Variants in ANKRD13C observed in about 807,000 individuals in gnomAD.
The protein encoded by ANKRD13C is ankyrin repeat domain-containing protein 13C.
ANKRD13C carries 16 observed loss-of-function variants against 65.5 expected under a neutral mutation model. The observed-to-expected ratio is 0.24, with a 90% CI of 0.17 to 0.37. The LOEUF is 0.37. ANKRD13C is among the 10% of genes least tolerant of loss of function. The pLI is 1.00. For synonymous variants in ANKRD13C, 235 were observed against 238.7 expected (o/e 0.98, Z 0.14); for missense variants, 503 against 655.9 (o/e 0.77, Z 2.55).
Position 70,260,643 on chromosome 1 carries a change from C to T in ANKRD13C, c.*2074G>A, listed in dbSNP as rs1678357059. 2 of 152,000 alleles carry T rather than the reference C, an allele frequency of 1.3e-5. No individual in the cohort carries two copies. The highest frequency in any genetic ancestry group is 4.1e-4 in the South Asian group (2 of 4,822). The allele number at this position is 152,000 out of a possible 1,614,324, so 9.4% of individuals were successfully genotyped here. On this transcript the variant is annotated 3_prime_UTR_variant, in exon 13 of 13. Transcript: ENST00000370944. Reference sequence around the variant, plus strand: ...TTTGCATCGATTAATTCCTTTTTTTCACCATCATAAGAGATATTGACATTT... The same window carrying T: ...TTTGCATCGATTAATTCCTTTTTTTTACCATCATAAGAGATATTGACATTT...
intron 6 of ANKRD13C, among the ~76,000 whole-genome samples, chr1:70,302,272 C>A (rs546655073): frequency 1.3e-5 from 2 of 151,480 alleles, no homozygotes; most frequent in African/African-American, 4.9e-5. Context: ...TATCAAGAAG[C>A]CCTAAAAAAG....
At chr1:70,321,614 T>C (rs1173348447) in intron 3 of ANKRD13C, among the ~76,000 whole-genome samples, 1 of 152,072 alleles carries the variant, frequency 6.6e-6, no homozygotes. Context: ...AAACCAGAGC[T>C]GTCTCGATCA....
At chr1:70,327,710 G>A (rs1681601160) in intron 2 of ANKRD13C, among the ~76,000 whole-genome samples, 1 of 152,162 alleles carries the variant, frequency 6.6e-6, no homozygotes, top group Non-Finnish European at 1.5e-5. Flanking sequence ...GCATGCTGAA[G>A]TATTTGGGGG....
intron 8 of ANKRD13C, among the ~76,000 whole-genome samples, chr1:70,294,907 A>T (rs1039687621): frequency 4.6e-5 from 7 of 152,138 alleles, no homozygotes; most frequent in African/African-American, 1.4e-4. Flanking sequence ...AGCCTGCTAG[A>T]TTGCTCTACA....
rs182769416 is a variant in ANKRD13C at position 70,338,487 on chromosome 1, G to T, written c.431-2388C>A. Among the ~76,000 whole-genome samples, 7 of 152,162 alleles carry T rather than the reference G, an allele frequency of 4.6e-5. No homozygotes were observed. In the East Asian group the frequency reaches 1.4e-3, roughly 29 times the overall value. ...CCGATCTGGGCTCACTGCAACCTCC[G>T]CTCCCGGGTTCAGGTGGTTCTCCTG... On this transcript the variant is annotated intron_variant, in intron 1 of 12. Transcript: ENST00000370944.
chr1:70,346,887 C>T (rs897575886), intron 1 of ANKRD13C, among the ~76,000 whole-genome samples: 1 of 151,866 alleles, frequency 6.6e-6, no homozygotes, highest in Admixed American at 6.6e-5. Flanking sequence ...GTCAGGAGAT[C>T]GAGACCATCC....
intron 7 of ANKRD13C, among the ~76,000 whole-genome samples, chr1:70,298,749 TA>T (rs1680199602): frequency 6.6e-6 from 1 of 152,224 alleles, no homozygotes. Context: ...AAGCAAACTA[TA>T]ATCAGCTGCC....
chr1:70,354,475 C>T lies in ANKRD13C; in HGVS notation c.-67G>A, dbSNP rs559091703. 4 of 1,520,918 alleles carry T rather than the reference C, an allele frequency of 2.6e-6. No individual in the cohort carries two copies. The highest frequency in any genetic ancestry group is 2.3e-5 in the East Asian group (1 of 42,750). 94.2% of individuals were successfully genotyped at this position (1,520,918 alleles called of 1,614,324 possible). A position where few individuals can be genotyped will look rare whatever the true frequency, so the allele number is the denominator to read the frequency against. ...GCTGGCGACGGAGCTGGCGCTGCGGCGGCACAAGGCGATTAGAGCGGTGGC... is the reference window on the plus strand; with the variant it reads ...GCTGGCGACGGAGCTGGCGCTGCGGTGGCACAAGGCGATTAGAGCGGTGGC... On this transcript the variant is annotated 5_prime_UTR_variant, in exon 1 of 13. Transcript: ENST00000370944.
chr1:70,344,706 T>C (rs1275421020), intron 1 of ANKRD13C, among the ~76,000 whole-genome samples: 2 of 152,122 alleles, frequency 1.3e-5, no homozygotes, highest in Non-Finnish European at 2.9e-5. Context: ...ATTTATATTC[T>C]TTTTACTGTA....
chr1:70,289,679 T>C (rs1679776621), intron 9 of ANKRD13C, among the ~76,000 whole-genome samples: 1 of 151,214 alleles, frequency 6.6e-6, no homozygotes, highest in Non-Finnish European at 1.5e-5. Flanking sequence ...GGTTTCACCA[T>C]GTTAGCCAGG....
At chr1:70,334,355 C>T (rs1239194949) in intron 2 of ANKRD13C, among the ~76,000 whole-genome samples, 2 of 152,132 alleles carry the variant, frequency 1.3e-5, no homozygotes, top group Admixed American at 1.3e-4. Context: ...TCCTGTGGAT[C>T]ATACACTTCA....
intron 9 of ANKRD13C, among the ~76,000 whole-genome samples, chr1:70,279,500 C>CTTTTT (rs757385338): frequency 2.4e-4 from 24 of 101,278 alleles, no homozygotes; most frequent in South Asian, 3.3e-4. Context: ...TTTTGAGCTA[C>CTTTTT]TTTTTTTTTT....
intron 10 of ANKRD13C, among the ~76,000 whole-genome samples, chr1:70,275,413 G>C (rs1389367038): frequency 6.6e-6 from 1 of 151,866 alleles, no homozygotes; most frequent in Non-Finnish European, 1.5e-5. Flanking sequence ...GGGGAAAAAA[G>C]GTGATCTGGT....
chr1:70,268,907 A>G (rs1678753264), intron 12 of ANKRD13C, among the ~76,000 whole-genome samples: 2 of 151,872 alleles, frequency 1.3e-5, no homozygotes. Context: ...TTATTATTAT[A>G]CTTTAAGTTT....
intron 1 of ANKRD13C, among the ~76,000 whole-genome samples, chr1:70,351,127 C>T (rs777122346): frequency 3.3e-5 from 5 of 152,216 alleles, no homozygotes; most frequent in Non-Finnish European, 7.3e-5. Flanking sequence ...TTCCACTGCA[C>T]TCCTTTGCAG....
At chr1:70,267,928 T>C (rs1464322050) in intron 12 of ANKRD13C, among the ~76,000 whole-genome samples, 1 of 152,146 alleles carries the variant, frequency 6.6e-6, no homozygotes, top group Non-Finnish European at 1.5e-5. Context: ...CCATTTAAAA[T>C]ATAATTGTAA....
At chr1:70,329,938 A>C (rs1681710417) in intron 2 of ANKRD13C, among the ~76,000 whole-genome samples, 1 of 151,894 alleles carries the variant, frequency 6.6e-6, no homozygotes, top group Non-Finnish European at 1.5e-5. Context: ...TAAACATACA[A>C]AAATTAGCCA....
chr1:70,294,603 A>C (rs1276275191), intron 8 of ANKRD13C, among the ~76,000 whole-genome samples: 2 of 150,894 alleles, frequency 1.3e-5, no homozygotes, highest in African/African-American at 4.9e-5. Context: ...ACCCTGCTTG[A>C]GTTTCCAGCC....
intron 2 of ANKRD13C, among the ~76,000 whole-genome samples, chr1:70,334,331 T>C (rs988732756): frequency 3.9e-5 from 6 of 152,048 alleles, no homozygotes; most frequent in Non-Finnish European, 5.9e-5. Flanking sequence ...GTCTCTAAAA[T>C]AAAAATTATA....
Sources: gnomAD v4.1 joint callset for allele counts (sites outside exome capture counted in the v4.1 genomes callset) on GRCh38, gnomAD v4.1.1 for gene constraint, MANE v1.5 for transcripts, NCBI Gene and HGNC (gene_info 2026-07-23, HGNC 2026-07-21) for gene names.